ACSS2: variants seen among roughly 807,000 people sequenced by gnomAD.
The protein encoded by ACSS2 is acetyl-coenzyme A synthetase, cytoplasmic.
In ACSS2, 58 loss-of-function variants were observed where a neutral mutation model predicts 90.6. The observed-to-expected ratio is 0.64, with a 90% CI of 0.52 to 0.80. The LOEUF is 0.80. ACSS2 is among the 30% of genes least tolerant of loss of function. The pLI, the probability that ACSS2 is intolerant of heterozygous loss-of-function variation, is 0.00. For missense variants in ACSS2, 759 were observed against 912.0 expected (o/e 0.83, Z 2.16); for synonymous variants, 300 against 330.9 (o/e 0.91, Z 1.01).
chr20:34,903,870 C>CAA (rs11474981), intron 2 of ACSS2, among the ~76,000 whole-genome samples: 123 of 93,418 alleles, frequency 1.3e-3, no homozygotes, highest in African/African-American at 3.8e-3. Context: ...GACATTGTCT[C>CAA]AAAAAAAAAA....
At chr20:34,926,709 G>A (rs1264731896) in intron 16 of ACSS2, among the ~76,000 whole-genome samples, 168 bp from the exon 17 acceptor site, 1 of 152,056 alleles carries the variant, frequency 6.6e-6, no homozygotes, top group Admixed American at 6.6e-5. Flanking sequence ...AAATGAGAGA[G>A]TAAAGAGACA....
At chr20:34,914,737 T>C (rs940935263) in intron 7 of ACSS2, among the ~76,000 whole-genome samples, 1 of 152,174 alleles carries the variant, frequency 6.6e-6, no homozygotes. Context: ...GTGTTAGAAA[T>C]GTCTAACTTG....
At position 34,909,591 on chromosome 20, in the gene ACSS2, G is replaced by A. The variant is rs150916120; in HGVS notation, c.375-3505G>A. On this transcript the variant is annotated intron_variant, in intron 2 of 17. Coordinates refer to ENST00000360596, the MANE Select transcript of ACSS2 (RefSeq NM_018677.4). ...AAAAAATGAGACTATGTAAACAAAT[G>A]CATGTAGTATATATGCTTGTCTGAC... 5.9e-3 allele frequency among the ~76,000 whole-genome samples: 903 copies of A among 152,168 alleles called. 9 individuals are homozygous for A. The highest frequency in any genetic ancestry group is 0.019 in the African/African-American group (799 of 41,512).
rs148364152 is a variant in ACSS2, at chr20:34,924,412, G to A, written c.1657+981G>A. 9.2e-3 allele frequency among the ~76,000 whole-genome samples: 1,398 copies of A among 152,330 alleles called. 9 individuals carry two copies. Among genetic ancestry groups the A allele is most frequent in the Non-Finnish European group, 0.016 (1,067 of 68,032 alleles). On this transcript the variant is annotated intron_variant, in intron 14 of 17. Coordinates refer to ENST00000360596, the MANE Select transcript of ACSS2 (RefSeq NM_018677.4). ...AGGGATGGCTACTGTACACAGGATC[G>A]TCGGAGAAGACTTCTCTGAATTGAC...
intron 7 of ACSS2, among the ~76,000 whole-genome samples, chr20:34,918,828 C>T (rs924427202): frequency 5.3e-5 from 8 of 152,140 alleles, no homozygotes; most frequent in Admixed American, 5.2e-4. Context: ...AGCCTAGTCC[C>T]ATAAGTACAT....
intron 2 of ACSS2, among the ~76,000 whole-genome samples, chr20:34,887,255 C>T (rs1202593469): frequency 6.6e-6 from 1 of 152,192 alleles, no homozygotes; most frequent in African/African-American, 2.4e-5. Context: ...TCCTAGTCAA[C>T]TATTTTTTTT....
chr20:34,898,864 G>T (rs1201623534), intron 2 of ACSS2, among the ~76,000 whole-genome samples: 1 of 151,868 alleles, frequency 6.6e-6, no homozygotes, highest in Non-Finnish European at 1.5e-5. Flanking sequence ...GGTGCTCGTC[G>T]GGGGGGCTCG....
intron 2 of ACSS2, chr20:34,908,971 T>C: frequency 2.3e-6 from 1 of 431,860 alleles, no homozygotes; most frequent in Admixed American, 2.8e-5. Context: ...AAAATAAAAA[T>C]ATTCATTGAA....
At chr20:34,899,428 TTCCTTCCTTCC>T (rs2080582351) in intron 2 of ACSS2, among the ~76,000 whole-genome samples, 1 of 39,856 alleles carries the variant, frequency 2.5e-5, no homozygotes, top group Non-Finnish European at 6.0e-5. Context: ...CTTTCTTTCC[TTCCTTCCTTCC>T]TTCCTTCCTT....
rs577002078 is a variant in ACSS2 at position 34,882,722 on chromosome 20, G to C, written c.179-72G>C. ...AAGTTATAATTTGGTCCTGTGTATA[G>C]ACTGGTAAGCCTTCTGAGGCTAAAT... On this transcript the variant is annotated intron_variant, in intron 1 of 17. Coordinates refer to ENST00000360596, the MANE Select transcript of ACSS2 (RefSeq NM_018677.4). 10 of 1,466,728 alleles carry C rather than the reference G, an allele frequency of 6.8e-6. No individual in the cohort carries two copies. In the African/African-American group the frequency reaches 1.1e-4, roughly 17 times the overall value. The allele number at this position is 1,466,728 out of a possible 1,614,324, so 90.9% of individuals were successfully genotyped here. A position where few individuals can be genotyped will look rare whatever the true frequency, so the allele number is the denominator to read the frequency against.
rs1266608902 is a variant in ACSS2, at chr20:34,913,166, A to G, written c.445A>G (p.Ser149Gly). 9 of 1,614,062 alleles carry G rather than the reference A, an allele frequency of 5.6e-6. No individual in the cohort carries two copies. Among genetic ancestry groups the G allele is most frequent in the Admixed American group, 1.7e-5 (1 of 60,006 alleles). The change falls in exon 3 of 18, where the codon AGC becomes GGC. Residue 149 changes from serine (S) to glycine (G), a missense_variant. Transcript: ENST00000360596. ...HQLLVQVCQF[S>G]NVLRKQGIQK... The stretch of plus-strand genomic sequence containing the variant: ...GCTTCTGGTCCAAGTGTGTCAGTTC[A>G]GCAATGTTCTCCGAAAACAGGGTGA...
upstream of ACSS2, chr20:34,876,495 T>A: frequency 1.4e-4 from 95 of 675,474 alleles, no homozygotes; most frequent in Non-Finnish European, 1.9e-4. Context: ...CCCCGCCCCC[T>A]CTGGCACCGC....
chr20:34,906,913 G>A (rs1284389739), intron 2 of ACSS2, among the ~76,000 whole-genome samples: 1 of 149,544 alleles, frequency 6.7e-6, no homozygotes, highest in Admixed American at 6.6e-5. Context: ...GAACCCTGGA[G>A]GCGGAGGTTG....
chr20:34,900,337 A>AT (rs35829893), intron 2 of ACSS2, among the ~76,000 whole-genome samples: 37 of 142,060 alleles, frequency 2.6e-4, no homozygotes, highest in East Asian at 8.3e-4. Flanking sequence ...GCCCGGCTAA[A>AT]TTTTTTTTTT....
intron 2 of ACSS2, among the ~76,000 whole-genome samples, chr20:34,906,933 G>A (rs1164219996): frequency 6.6e-5 from 9 of 136,254 alleles, no homozygotes; most frequent in East Asian, 2.2e-4. Flanking sequence ...GCAGTGAGCC[G>A]AGATCGCACT....
chr20:34,913,950 G>A (rs144113782), intron 5 of ACSS2, 125 bp downstream of exon 5: 3 of 1,359,102 alleles, frequency 2.2e-6, no homozygotes, highest in Non-Finnish European at 3.1e-6. Flanking sequence ...TTCTCTCCTG[G>A]TCCCACCTCA....
intron 4 of ACSS2, 119 bp from the exon 5 acceptor site, chr20:34,913,634 T>C: frequency 8.0e-7 from 1 of 1,256,160 alleles, no homozygotes; most frequent in Non-Finnish European, 1.2e-6. Context: ...ATATTAGTTA[T>C]TCAGTTTCTT....
chr20:34,914,794 G>A (rs1314428000), intron 7 of ACSS2, among the ~76,000 whole-genome samples: 12 of 152,166 alleles, frequency 7.9e-5, no homozygotes, highest in Admixed American at 7.9e-4. Context: ...GATGTGGGGT[G>A]GGCTATCTTT....
chr20:34,897,814 G>A (rs1157643699), intron 2 of ACSS2, among the ~76,000 whole-genome samples: 2 of 151,808 alleles, frequency 1.3e-5, no homozygotes, highest in African/African-American at 2.4e-5. Context: ...GGGCAACAAA[G>A]TGAGACTGTC....
Sources: allele counts gnomAD v4.1 joint callset (sites outside exome capture counted in the v4.1 genomes callset), GRCh38; gene constraint gnomAD v4.1.1; transcripts MANE v1.5; gene names NCBI Gene and HGNC (gene_info 2026-07-23, HGNC 2026-07-21).